Variants in NT5C3A observed in about 807,000 individuals in gnomAD.
NT5C3A encodes cytosolic 5'-nucleotidase 3A.
Under a neutral mutation model 40.0 loss-of-function variants are expected in NT5C3A, and 23 were observed. The ratio of observed to expected loss-of-function variants is 0.58; its 90% confidence interval spans 0.41 to 0.81. The LOEUF is 0.81. Ranked by LOEUF, NT5C3A falls within the 40% of genes least tolerant of loss-of-function variation. The probability of loss-of-function intolerance (pLI) is 0.00; values close to 1 mark genes in which losing one functional copy is unlikely to be tolerated. For missense variants in NT5C3A, 328 were observed against 403.0 expected, an observed-to-expected ratio of 0.81 and a Z score of 1.59; for synonymous variants, 130 against 141.4, an observed-to-expected ratio of 0.92 and a Z score of 0.57.
chr7:33,034,258 TAAAAA>T (rs1200325556), intron 1 of NT5C3A, among the ~76,000 whole-genome samples: 1 of 151,930 alleles, frequency 6.6e-6, no homozygotes, highest in Admixed American at 6.6e-5. Flanking sequence ...CAATAATAGT[TAAAAA>T]AAATCTTTTG....
chr7:33,034,629 C>T (rs73690707), intron 1 of NT5C3A, among the ~76,000 whole-genome samples: 9,026 of 152,232 alleles, frequency 0.059, 518 homozygotes, highest in African/African-American at 0.14. Context: ...CAATTTCATA[C>T]GCTTCAACCT....
intron 1 of NT5C3A, chr7:33,029,732 G>A (rs1786142729): frequency 7.9e-7 from 1 of 1,269,388 alleles, no homozygotes; most frequent in Non-Finnish European, 1.0e-6. Flanking sequence ...ATGTAAGATT[G>A]GTTTATTTTA....
At chr7:33,046,994 G>GT (rs1562602010) in intron 1 of NT5C3A, among the ~76,000 whole-genome samples, 1 of 11,596 alleles carries the variant, frequency 8.6e-5, no homozygotes, top group Non-Finnish European at 1.7e-4. Context: ...TTTAAGAGTC[G>GT]GGTCTTGCTA....
chr7:33,022,433 AAC>A (rs4000126), intron 3 of NT5C3A, among the ~76,000 whole-genome samples: 108,079 of 151,880 alleles, frequency 0.71, 38,812 homozygotes, highest in African/African-American at 0.77. Context: ...AAATATAAGA[AAC>A]ACATATGGGA....
intron 1 of NT5C3A, among the ~76,000 whole-genome samples, chr7:33,048,149 T>C (rs1418118228): frequency 6.6e-6 from 1 of 151,366 alleles, no homozygotes; most frequent in East Asian, 1.9e-4. Flanking sequence ...AAATGGCGTC[T>C]TCATTTATAG....
chr7:33,022,483 TAACGTAA>T (rs2127996705), intron 3 of NT5C3A, among the ~76,000 whole-genome samples: 1 of 152,308 alleles, frequency 6.6e-6, no homozygotes, highest in East Asian at 1.9e-4. Context: ...AATAAATGCT[TAACGTAA>T]ACATCTGGAA....
intron 1 of NT5C3A, among the ~76,000 whole-genome samples, chr7:33,039,562 G>GTTTTTTTTTTTTTTTT (rs770430109): frequency 8.3e-6 from 1 of 120,510 alleles, no homozygotes; most frequent in Non-Finnish European, 1.6e-5. Context: ...TGGGTTTTTT[G>GTTTTTTTTTTTTTTTT]TTTTTTTTTT....
At chr7:33,030,487 AAAAT>A (rs1310951028) in intron 1 of NT5C3A, among the ~76,000 whole-genome samples, 3 of 152,210 alleles carry the variant, frequency 2.0e-5, no homozygotes, top group South Asian at 2.1e-4. Flanking sequence ...AATTTTATGA[AAAAT>A]AAATAAGAAG....
chr7:33,044,578 G>T (rs1787070051), intron 1 of NT5C3A, among the ~76,000 whole-genome samples: 1 of 152,100 alleles, frequency 6.6e-6, no homozygotes, highest in African/African-American at 2.4e-5. Context: ...CTCTGGATCT[G>T]AAATTCATAT....
intron 1 of NT5C3A, chr7:33,045,972 C>G (rs1234112372): frequency 6.6e-6 from 1 of 152,238 alleles, no homozygotes; most frequent in Non-Finnish European, 1.5e-5. Flanking sequence ...TATATTGATG[C>G]CGAACTTAGT....
chr7:33,015,998 A>T (rs1785303579), intron 7 of NT5C3A, 128 bp from the exon 8 acceptor site: 1 of 697,756 alleles, frequency 1.4e-6, no homozygotes, highest in African/African-American at 1.8e-5. Flanking sequence ...GATACTAGAG[A>T]TCTCAAAGCA....
In NT5C3A at chr7:33,035,949, G is replaced by A. The variant is rs372766768; in HGVS notation, c.139-9034C>T. 60 of 1,612,942 alleles carry A rather than the reference G, an allele frequency of 3.7e-5. No individual in the cohort carries two copies. Among genetic ancestry groups the A allele is most frequent in the Non-Finnish European group, 4.4e-5 (52 of 1,179,424 alleles). On this transcript the variant is annotated intron_variant, in intron 1 of 8. Transcript: ENST00000610140. ...AAATACCCACCATTTTCACATGTAC[G>A]GCAGACTCTTGATTAGTCATTTCTT...
At chr7:33,020,958 T>C (rs1350718306) in intron 5 of NT5C3A, among the ~76,000 whole-genome samples, 1 of 149,238 alleles carries the variant, frequency 6.7e-6, no homozygotes, top group Non-Finnish European at 1.5e-5. Context: ...TAAATCCTCA[T>C]ACCTTTTCTT....
chr7:33,042,946 C>T (rs1786992863), intron 1 of NT5C3A, among the ~76,000 whole-genome samples: 1 of 152,190 alleles, frequency 6.6e-6, no homozygotes, highest in African/African-American at 2.4e-5. Context: ...TTATACTGCT[C>T]TTAAAAATGA....
chr7:33,061,701 T>A (rs1787785729), intron 1 of NT5C3A, among the ~76,000 whole-genome samples: 1 of 151,220 alleles, frequency 6.6e-6, no homozygotes, highest in Non-Finnish European at 1.5e-5. Flanking sequence ...CTATCATAAA[T>A]CATCTGACCC....
At chr7:33,056,882 G>A (rs1479869992) in intron 1 of NT5C3A, among the ~76,000 whole-genome samples, 4 of 152,156 alleles carry the variant, frequency 2.6e-5, no homozygotes, top group South Asian at 2.1e-4. Context: ...TGTGATCTCC[G>A]TTCACTGCAA....
rs1003809319 is a variant in NT5C3A at position 33,014,735 on chromosome 7, G to C, written c.991C>G (p.Leu331Val). Residue 331 changes from leucine to valine, a missense_variant, in exon 9 of 9, where the codon CTA (leucine) becomes GTA (valine). Leu to Val is a conservative substitution (Grantham distance 32). Around this residue, in one of 3 missense-constraint regions of NT5C3A, gnomAD observed 36 missense variants for 51.1 expected, o/e 0.70. Coordinates refer to ENST00000610140, the MANE Select transcript of NT5C3A (RefSeq NM_001002010.5). Reference protein sequence around the residue: ...EVANSILQKIL With the variant: ...EVANSILQKIV ...TCTTCTTGGAGAATGCTTGTTTATA[G>C]AATCTTCTGTAAAATAGAGTTGGCT... is the stretch of plus-strand genomic sequence containing the variant. 17 of 1,611,840 alleles carry C rather than the reference G, an allele frequency of 1.1e-5. No individual in the cohort carries two copies. Among genetic ancestry groups the C allele is most frequent in the Non-Finnish European group, 1.4e-5 (17 of 1,179,532 alleles).
intron 1 of NT5C3A, among the ~76,000 whole-genome samples, chr7:33,028,393 G>GA (rs2127999896): frequency 6.6e-6 from 1 of 152,234 alleles, no homozygotes; most frequent in East Asian, 1.9e-4. Flanking sequence ...CTGATTAGAG[G>GA]AAAAATCAGT....
intron 1 of NT5C3A, among the ~76,000 whole-genome samples, chr7:33,057,684 G>A (rs1346260707): frequency 6.6e-6 from 1 of 152,036 alleles, no homozygotes; most frequent in Non-Finnish European, 1.5e-5. Flanking sequence ...ATTTTTAACT[G>A]GTTGTAGAGG....
Sources: gnomAD v4.1 joint callset for allele counts (sites outside exome capture counted in the v4.1 genomes callset) on GRCh38, gnomAD v4.1.1 for gene constraint, gnomAD v4.1.1 regional missense constraint, MANE v1.5 for transcripts, NCBI Gene and HGNC (gene_info 2026-07-23, HGNC 2026-07-21) for gene names.